The following MAN1C1 variants were observed in gnomAD, a reference collection of about 807,000 sequenced individuals.
MAN1C1 encodes the protein mannosidase alpha class 1C member 1.
MAN1C1 carries 49 observed loss-of-function variants against 71.5 expected under a neutral mutation model. The observed-to-expected ratio is 0.69, with a 90% CI of 0.54 to 0.87. MAN1C1 has a LOEUF of 0.87. MAN1C1 is among the 40% of genes least tolerant of loss of function. The pLI, the probability that MAN1C1 is intolerant of heterozygous loss-of-function variation, is 0.00. For missense variants in MAN1C1, 743 were observed against 835.0 expected, an observed-to-expected ratio of 0.89 and a Z score of 1.36; for synonymous variants, 352 against 343.7, an observed-to-expected ratio of 1.02 and a Z score of -0.27.
At chr1:25,728,137 G>A (rs1367733255) in intron 2 of MAN1C1, among the ~76,000 whole-genome samples, 1 of 152,172 alleles carries the variant, frequency 6.6e-6, no homozygotes, top group Non-Finnish European at 1.5e-5. Context: ...CTCTCAAAGG[G>A]CTGAACTAAA....
Position 25,643,242 on chromosome 1 carries a change from A to AT in MAN1C1, c.540+24907dup, listed in dbSNP as rs71933230. Among the ~76,000 whole-genome samples, 473 of 142,672 alleles carry AT rather than the reference A, an allele frequency of 3.3e-3. 5 individuals carry two copies. Among genetic ancestry groups the AT allele is most frequent in the African/African-American group, 0.012 (448 of 37,780 alleles). 93.6% of individuals were successfully genotyped at this position (142,672 alleles called of 152,430 possible). A position where few individuals can be genotyped will look rare whatever the true frequency, so the allele number is the denominator to read the frequency against. ...GTCCTACCTCCCTTTTAATTAATTAATTAATTAATTAATTTATTTACTTAC... is the reference window on the plus strand; with the variant it reads ...GTCCTACCTCCCTTTTAATTAATTAATTTAATTAATTAATTTATTTACTTAC... On this transcript the variant is annotated intron_variant, in intron 1 of 11. Transcript: ENST00000374332.
intron 1 of MAN1C1, among the ~76,000 whole-genome samples, chr1:25,633,386 G>A (rs1043698683): frequency 1.3e-5 from 2 of 152,122 alleles, no homozygotes; most frequent in Admixed American, 1.3e-4. Context: ...AGCACTGTCA[G>A]TAGAGTATTA....
At chr1:25,695,919 C>T (rs949336900) in intron 2 of MAN1C1, among the ~76,000 whole-genome samples, 7 of 152,204 alleles carry the variant, frequency 4.6e-5, no homozygotes, top group Non-Finnish European at 1.0e-4. Flanking sequence ...TGGTTGGTTA[C>T]TAGGTTGATT....
At chr1:25,761,465 A>G (rs762903037) in intron 6 of MAN1C1, 4 of 152,156 alleles carry the variant, frequency 2.6e-5, no homozygotes, top group Non-Finnish European at 4.4e-5. Flanking sequence ...AGCACTAAGC[A>G]GTTTTTAAGA....
intron 8 of MAN1C1, chr1:25,777,510 T>A (rs1490051872): frequency 6.6e-6 from 1 of 152,176 alleles, no homozygotes; most frequent in Non-Finnish European, 1.5e-5. Context: ...CTGGGTGGCC[T>A]GGGACAAGCT....
rs1246925019 is a variant in MAN1C1 at position 25,764,408 on chromosome 1, T to A, written c.1141+441T>A. ...TCAGGCTCCCCACTTCCAACTTCAA[T>A]TTTTTTTTGTTTTTTTGTTTTTGAG... On this transcript the variant is annotated intron_variant, in intron 7 of 11. Transcript: ENST00000374332. This position sits in a 1 kb window ranked among gnomAD's most constrained non-coding sequence, Gnocchi z 4.4. Among the ~76,000 whole-genome samples, 1 of 151,270 alleles carries A rather than the reference T, an allele frequency of 6.6e-6. No homozygotes were observed. The highest frequency in any genetic ancestry group is 2.4e-5 in the African/African-American group (1 of 41,142).
intron 6 of MAN1C1, chr1:25,761,184 G>A (rs975817598): frequency 2.0e-5 from 3 of 152,002 alleles, no homozygotes; most frequent in Non-Finnish European, 2.9e-5. Context: ...TGGCTCAAAG[G>A]AACTGAAAAA....
At chr1:25,749,418 C>T in intron 4 of MAN1C1, 83 bp downstream of exon 4, 2 of 1,242,448 alleles carry the variant, frequency 1.6e-6, no homozygotes, top group Non-Finnish European at 2.3e-6. Flanking sequence ...CTCATGCCAT[C>T]CATGGGAAAA....
At chr1:25,726,970 T>A (rs917503536) in intron 2 of MAN1C1, among the ~76,000 whole-genome samples, 3 of 151,298 alleles carry the variant, frequency 2.0e-5, no homozygotes, top group African/African-American at 7.3e-5. Context: ...GGTGTGAGGA[T>A]GGCTTGAACC....
chr1:25,723,237 C>T (rs2046790549), intron 2 of MAN1C1, among the ~76,000 whole-genome samples: 1 of 152,194 alleles, frequency 6.6e-6, no homozygotes, highest in South Asian at 2.1e-4. Flanking sequence ...CTGTCGTACT[C>T]CTTTCTGAGA....
At position 25,769,487 on chromosome 1, in the gene MAN1C1, C is replaced by T. The variant is rs983419339; in HGVS notation, c.1142-2170C>T. ...GAGAGGCAGCTGCATCTCAACACCG[C>T]GGACCCTAATGACCTGGCTCCCTCC... On this transcript the variant is annotated intron_variant, in intron 7 of 11. Transcript: ENST00000374332. The surrounding 1 kb of genome is among the most constrained non-coding windows in gnomAD (Gnocchi z 4.8). Among the ~76,000 whole-genome samples the T allele has an allele frequency of 4.6e-5, 7 of 152,120 alleles. No individual in the cohort carries two copies. Among genetic ancestry groups the T allele is most frequent in the African/African-American group, 1.4e-4 (6 of 41,396 alleles).
chr1:25,762,583 C>T (rs564808991), intron 6 of MAN1C1, among the ~76,000 whole-genome samples: 21 of 152,092 alleles, frequency 1.4e-4, no homozygotes, highest in Admixed American at 1.0e-3. Context: ...TGTGCCACCA[C>T]GCCTGGCCAA....
chr1:25,717,475 A>T (rs1040505683), intron 2 of MAN1C1, among the ~76,000 whole-genome samples: 1 of 152,124 alleles, frequency 6.6e-6, no homozygotes, highest in African/African-American at 2.4e-5. Context: ...GTGATCTGTG[A>T]TCATACTACT....
chr1:25,677,212 A>G (rs1047777820), intron 1 of MAN1C1, among the ~76,000 whole-genome samples: 3 of 152,222 alleles, frequency 2.0e-5, no homozygotes, highest in Non-Finnish European at 2.9e-5. Flanking sequence ...AGAACTGAAG[A>G]GATTTCTTGG....
In MAN1C1 at chr1:25,756,124, TAAC is replaced by T. The variant is rs777590011; in HGVS notation, c.930-2460_930-2458del. Among the ~76,000 whole-genome samples the T allele has an allele frequency of 3.7e-4, 56 of 152,346 alleles. 1 individual carries two copies. Among genetic ancestry groups the T allele is most frequent in the Middle Eastern group, 6.8e-3 (2 of 294 alleles). On this transcript the variant is annotated intron_variant, in intron 5 of 11. Coordinates refer to ENST00000374332, the MANE Select transcript of MAN1C1 (RefSeq NM_020379.4). ...CACCTGGCACAGATCAGAAACTTAG[TAAC>T]AACAACATTTACATGTGCATAATTA...
At chr1:25,780,841 C>G (rs765173554) in intron 9 of MAN1C1, 99 bp from the exon 10 acceptor site, 7 of 1,320,054 alleles carry the variant, frequency 5.3e-6, no homozygotes, top group Non-Finnish European at 6.4e-6. Context: ...CCTGACATCA[C>G]CCTGGCCGCG....
At chr1:25,649,762 C>T (rs1303311383) in intron 1 of MAN1C1, among the ~76,000 whole-genome samples, 2 of 152,130 alleles carry the variant, frequency 1.3e-5, no homozygotes, top group African/African-American at 2.4e-5. Flanking sequence ...CTCAGCTTCT[C>T]GAGTAGCTGG....
At position 25,775,071 on chromosome 1, in the gene MAN1C1, G is replaced by T. The variant is rs946292920; in HGVS notation, c.1258-3034G>T. On this transcript the variant is annotated intron_variant, in intron 8 of 11. Coordinates refer to ENST00000374332, the MANE Select transcript of MAN1C1 (RefSeq NM_020379.4). The surrounding 1 kb of genome is among the most constrained non-coding windows in gnomAD (Gnocchi z 5.1). ...CCAGTGGAAATAATGTGTGGGAGGC[G>T]GTCTGGAAGGTGCAGGTGCCAGGTC... is the stretch of plus-strand genomic sequence containing the variant. Among the ~76,000 whole-genome samples the T allele has an allele frequency of 3.9e-5, 6 of 152,216 alleles. 1 individual carries two copies. In the South Asian group the frequency reaches 6.2e-4, roughly 16 times the overall value.
chr1:25,698,399 C>G (rs1238743514), intron 2 of MAN1C1, among the ~76,000 whole-genome samples: 1 of 152,288 alleles, frequency 6.6e-6, no homozygotes, highest in African/African-American at 2.4e-5. Flanking sequence ...TGATAATGCC[C>G]TCTTACAGGA....
Sources: allele counts gnomAD v4.1 joint callset (sites outside exome capture counted in the v4.1 genomes callset), GRCh38; gene constraint gnomAD v4.1.1; non-coding constraint Gnocchi (gnomAD v3.1); transcripts MANE v1.5; gene names NCBI Gene and HGNC (gene_info 2026-07-23, HGNC 2026-07-21).